The following PAMR1 variants were observed in gnomAD, a reference collection of about 807,000 sequenced individuals.
The protein encoded by PAMR1 is peptidase domain containing associated with muscle regeneration 1.
A neutral mutation model predicts 81.8 loss-of-function variants in PAMR1; 88 were observed. The ratio of observed to expected loss-of-function variants is 1.08; its 90% CI spans 0.91 to 1.28. The LOEUF (loss-of-function observed/expected upper bound fraction) is 1.28, where lower values mean the gene tolerates loss of function less well. PAMR1 is among the 50% of genes most tolerant of loss of function. PAMR1 has a pLI of 0.00. For missense variants in PAMR1, 935 were observed against 919.7 expected (o/e 1.02, Z -0.21); for synonymous variants, 336 against 345.3 (o/e 0.97, Z 0.30).
intron 1 of PAMR1, among the ~76,000 whole-genome samples, chr11:35,520,284 G>C (rs1316407327): frequency 6.6e-6 from 1 of 152,182 alleles, no homozygotes; most frequent in Non-Finnish European, 1.5e-5. Context: ...CAAGTAAAAG[G>C]GGTAGAGTTG....
intron 1 of PAMR1, 31 bp from the exon 2 acceptor site, chr11:35,494,303 G>A (rs768142578): frequency 1.3e-6 from 2 of 1,580,436 alleles, no homozygotes; most frequent in Admixed American, 1.7e-5. Flanking sequence ...GTGAGGCTAG[G>A]TCCTGGCAGG....
chr11:35,507,398 C>A (rs1850984433), intron 1 of PAMR1, among the ~76,000 whole-genome samples: 1 of 136,152 alleles, frequency 7.3e-6, no homozygotes, highest in Non-Finnish European at 1.6e-5. Flanking sequence ...GTGATCCATT[C>A]TGCTGTTGAA....
At chr11:35,489,043 C>T (rs972630190) in intron 3 of PAMR1, among the ~76,000 whole-genome samples, 19 of 152,216 alleles carry the variant, frequency 1.2e-4, no homozygotes, top group African/African-American at 4.6e-4. Context: ...CTATCTTTTC[C>T]CATCTCCTTC....
upstream of PAMR1, among the ~76,000 whole-genome samples, chr11:35,528,220 C>G (rs1028375945): frequency 6.6e-6 from 1 of 152,166 alleles, no homozygotes; most frequent in South Asian, 2.1e-4. Context: ...TGTTCTCCCC[C>G]CATTTTCCTA....
intron 6 of PAMR1, among the ~76,000 whole-genome samples, chr11:35,464,239 G>A (rs948976470): frequency 1.3e-5 from 2 of 152,116 alleles, no homozygotes; most frequent in African/African-American, 4.8e-5. Context: ...TAAGGACTTG[G>A]ATGAATATAT....
intron 4 of PAMR1, among the ~76,000 whole-genome samples, chr11:35,472,240 T>G (rs1336272078): frequency 6.6e-6 from 1 of 152,234 alleles, no homozygotes; most frequent in African/African-American, 2.4e-5. Context: ...CCTTGATATC[T>G]TTGTCTTCAG....
chr11:35,459,348 C>T (rs1201875689), intron 6 of PAMR1, among the ~76,000 whole-genome samples: 1 of 152,152 alleles, frequency 6.6e-6, no homozygotes, highest in East Asian at 1.9e-4. Flanking sequence ...TGACACATTC[C>T]CATTTGACAG....
In PAMR1 at chr11:35,462,686, G is replaced by T. The variant is rs563831809; in HGVS notation, c.820+5315C>A. ...ATTACTCAACTCAGTGCCTTATGTG[G>T]ATCATCTCATCCCCTCCCTACAAAC... On this transcript the variant is annotated intron_variant, in intron 6 of 10. Transcript: ENST00000619888. Among the ~76,000 whole-genome samples, 7 of 152,284 alleles carry T rather than the reference G, an allele frequency of 4.6e-5. No homozygotes were observed. In the South Asian group the frequency reaches 1.2e-3, roughly 27 times the overall value.
At position 35,435,872 on chromosome 11, in the gene PAMR1, T is replaced by C; in HGVS notation, c.1333+31A>G. The C allele has an allele frequency of 2.6e-6, 4 of 1,521,872 alleles. No individual in the cohort carries two copies. The South Asian group carries it at 3.4e-5, about 13-fold the overall frequency. 94.3% of individuals were successfully genotyped at this position (1,521,872 alleles called of 1,614,324 possible). A position where few individuals can be genotyped will look rare whatever the true frequency, so the allele number is the denominator to read the frequency against. ...TCAGGCAGTCATGAAAGATTGAGCATGCTCAAGCCCAAGAATGAGCCTTGA... is the reference window on the plus strand; with the variant it reads ...TCAGGCAGTCATGAAAGATTGAGCACGCTCAAGCCCAAGAATGAGCCTTGA... On this transcript the variant is annotated intron_variant, in intron 9 of 10. Coordinates refer to ENST00000619888, the MANE Select transcript of PAMR1 (RefSeq NM_001001991.3).
At chr11:35,463,168 C>T (rs188236605) in intron 6 of PAMR1, among the ~76,000 whole-genome samples, 55 of 152,302 alleles carry the variant, frequency 3.6e-4, no homozygotes, top group Middle Eastern at 6.8e-3. Context: ...ATGAGAAGCG[C>T]GGGTCTCCCC....
rs146022451 is a variant in PAMR1, at chr11:35,494,255, C to T, written c.91G>A (p.Glu31Lys). Residue 31 changes from glutamate to lysine, a missense_variant, in exon 2 of 11, where the codon GAA becomes AAA. By Grantham distance (56) the Glu-to-Lys change is moderately conservative. Transcript: ENST00000619888. ...SLPREYTVIN[E>K]ACPGAEWNIM... is the part of the protein sequence containing the mutation. ...TTCCACTCTGCTCCAGGGCAGGCTT[C>T]ATTAATGACTGTGTACTCTGAAATG... The T allele has an allele frequency of 5.0e-6, 8 of 1,613,982 alleles. No individual in the cohort carries two copies. Among genetic ancestry groups the T allele is most frequent in the Non-Finnish European group, 6.8e-6 (8 of 1,180,006 alleles).
intron 6 of PAMR1, among the ~76,000 whole-genome samples, chr11:35,444,048 G>C (rs1856240140): frequency 1.3e-5 from 2 of 152,138 alleles, no homozygotes; most frequent in Admixed American, 6.5e-5. Flanking sequence ...ACAATCCTAA[G>C]CAAAAAGAAC....
chr11:35,488,242 G>A (rs1233413285), intron 3 of PAMR1, among the ~76,000 whole-genome samples: 2 of 130,500 alleles, frequency 1.5e-5, no homozygotes, highest in Non-Finnish European at 3.1e-5. Flanking sequence ...CAGAGATGAG[G>A]TCTTGCTCTG....
chr11:35,493,212 T>C (rs558115989), intron 2 of PAMR1, among the ~76,000 whole-genome samples: 1 of 152,338 alleles, frequency 6.6e-6, no homozygotes, highest in South Asian at 2.1e-4. Context: ...CCTCTAGTCA[T>C]GCGTGTCCTC....
In PAMR1 at chr11:35,478,387, C is replaced by T. The variant is rs963329888; in HGVS notation, c.380-3643G>A. Among the ~76,000 whole-genome samples, 9 of 152,230 alleles carry T rather than the reference C, an allele frequency of 5.9e-5. No homozygotes were observed. In the East Asian group the frequency reaches 1.7e-3, roughly 29 times the overall value. ...TCAGAAGCAGCCAGGATTCTAAACA[C>T]ATGCAACATCTCCATTCTTCTTAAT... On this transcript the variant is annotated intron_variant, in intron 3 of 10. Transcript: ENST00000619888.
At chr11:35,432,938 C>T (rs1173638928) in intron 10 of PAMR1, 46 bp from the exon 11 acceptor site, 1 of 1,500,968 alleles carries the variant, frequency 6.7e-7, no homozygotes, top group Non-Finnish European at 8.9e-7. Flanking sequence ...GCCAGCTCCA[C>T]AGTGGATAAG....
At chr11:35,456,767 C>A (rs1052931421) in intron 6 of PAMR1, among the ~76,000 whole-genome samples, 1 of 152,122 alleles carries the variant, frequency 6.6e-6, no homozygotes, top group African/African-American at 2.4e-5. Context: ...ATACCAAATC[C>A]TCTGGGAAGT....
At chr11:35,478,556 C>CGCA (rs1850323920) in intron 3 of PAMR1, among the ~76,000 whole-genome samples, 1 of 151,672 alleles carries the variant, frequency 6.6e-6, no homozygotes, top group Admixed American at 6.6e-5. Flanking sequence ...GAGGAGGGAG[C>CGCA]GCTCCCTCCC....
intron 3 of PAMR1, among the ~76,000 whole-genome samples, chr11:35,489,934 ACAAG>A (rs998597051): frequency 6.6e-6 from 1 of 152,194 alleles, no homozygotes; most frequent in Admixed American, 6.5e-5. Flanking sequence ...TTACCTACCT[ACAAG>A]GCTGTATTAA....
Sources: allele counts gnomAD v4.1 joint callset (sites outside exome capture counted in the v4.1 genomes callset), GRCh38; gene constraint gnomAD v4.1.1; transcripts MANE v1.5; gene names NCBI Gene and HGNC (gene_info 2026-07-23, HGNC 2026-07-21).